The following MEF2C variants were observed in gnomAD, a reference collection of about 807,000 sequenced individuals.
MEF2C encodes myocyte enhancer factor 2C.
MEF2C carries 6 observed loss-of-function variants against 50.5 expected under a neutral mutation model. The ratio of observed to expected loss-of-function variants is 0.12; its 90% CI spans 0.07 to 0.23. The LOEUF is 0.23. Among genes scored for constraint, MEF2C ranks in the 10% least tolerant of loss-of-function variants. MEF2C has a pLI of 1.00. For synonymous variants in MEF2C, 183 were observed against 228.0 expected, an observed-to-expected ratio of 0.80 and a Z score of 1.78; for missense variants, 276 against 605.0, an observed-to-expected ratio of 0.46 and a Z score of 5.70.
chr5:88,775,049 T>A (rs1028112858), intron 3 of MEF2C, among the ~76,000 whole-genome samples: 4 of 152,252 alleles, frequency 2.6e-5, no homozygotes, highest in African/African-American at 9.6e-5. Flanking sequence ...GGGAATTTCA[T>A]AATTTAATGT....
At chr5:88,797,517 C>G (rs1405571156) in intron 3 of MEF2C, among the ~76,000 whole-genome samples, 1 of 122,616 alleles carries the variant, frequency 8.2e-6, no homozygotes, top group Non-Finnish European at 1.6e-5. Context: ...TCATCCATCC[C>G]TTTATTTTGA....
At chr5:88,771,522 G>A in intron 3 of MEF2C, 1 of 985,340 alleles carries the variant, frequency 1.0e-6, no homozygotes, top group Non-Finnish European at 1.2e-6. Context: ...ATGTTATACT[G>A]TAATTTATTT....
intron 3 of MEF2C, among the ~76,000 whole-genome samples, chr5:88,790,502 A>G (rs546363480): frequency 1.3e-5 from 2 of 152,202 alleles, no homozygotes; most frequent in Non-Finnish European, 2.9e-5. Context: ...TGGCCAAAGC[A>G]CTAACAGGTT....
At chr5:88,899,082 T>C (rs2150315842) in intron 1 of MEF2C, among the ~76,000 whole-genome samples, 1 of 152,308 alleles carries the variant, frequency 6.6e-6, no homozygotes, top group East Asian at 1.9e-4. Context: ...TACTTTTTTG[T>C]CAATTCAGCC....
intron 3 of MEF2C, among the ~76,000 whole-genome samples, chr5:88,769,631 T>C (rs1781519931): frequency 6.6e-6 from 1 of 152,200 alleles, no homozygotes; most frequent in African/African-American, 2.4e-5. Flanking sequence ...ATCCTATATA[T>C]CTATATCTAT....
At chr5:88,817,803 A>T (rs557307451) in intron 2 of MEF2C, 1 of 151,976 alleles carries the variant, frequency 6.6e-6, no homozygotes, top group South Asian at 2.1e-4. Flanking sequence ...ATTTGGGCTT[A>T]CCTCTCCTAT....
At chr5:88,776,093 T>G (rs1372004131) in intron 3 of MEF2C, among the ~76,000 whole-genome samples, 1 of 152,160 alleles carries the variant, frequency 6.6e-6, no homozygotes, top group Non-Finnish European at 1.5e-5. Context: ...ATCAAATGCC[T>G]CTTCTACTTT....
At chr5:88,734,400 A>C in intron 6 of MEF2C, 1 of 985,296 alleles carries the variant, frequency 1.0e-6, no homozygotes, top group Non-Finnish European at 1.2e-6. Context: ...GATCAGAAGA[A>C]ACTAAAACCC....
At chr5:88,865,156 C>G (rs1056710140) in intron 1 of MEF2C, among the ~76,000 whole-genome samples, 1 of 152,042 alleles carries the variant, frequency 6.6e-6, no homozygotes, top group Non-Finnish European at 1.5e-5. Context: ...CTCAGTGTCC[C>G]GAGTAGTTAG....
rs146468309 is a variant in MEF2C, at chr5:88,862,303, C to T, written c.-143+20652G>A. 1.2e-3 allele frequency among the ~76,000 whole-genome samples: 178 copies of T among 152,264 alleles called. 1 individual carries two copies. The highest frequency in any genetic ancestry group is 2.7e-3 in the Admixed American group (41 of 15,298). On this transcript the variant is annotated intron_variant, in intron 1 of 10. Transcript: ENST00000504921. ...ATGTCTTGCCTTTTCTGACTTCTGT[C>T]ATACACACAAACACACACACACACA...
At chr5:88,815,403 C>T (rs1334449454) in intron 2 of MEF2C, among the ~76,000 whole-genome samples, 1 of 152,016 alleles carries the variant, frequency 6.6e-6, no homozygotes, top group Non-Finnish European at 1.5e-5. Context: ...TTATAGTTTC[C>T]AAACAGTTAC....
At chr5:88,822,310 A>G (rs902759761) in intron 2 of MEF2C, among the ~76,000 whole-genome samples, 1 of 151,972 alleles carries the variant, frequency 6.6e-6, no homozygotes, top group Admixed American at 6.6e-5. Flanking sequence ...GACATTCAAT[A>G]TTTCAGTCTT....
At chr5:88,841,468 C>A (rs1817322096) in intron 1 of MEF2C, among the ~76,000 whole-genome samples, 1 of 143,012 alleles carries the variant, frequency 7.0e-6, no homozygotes, top group South Asian at 2.1e-4. Context: ...GGTTGCACAA[C>A]TGCACCTCAG....
intron 3 of MEF2C, among the ~76,000 whole-genome samples, chr5:88,800,752 T>G (rs1436997219): frequency 6.6e-6 from 1 of 152,190 alleles, no homozygotes; most frequent in African/African-American, 2.4e-5. Flanking sequence ...AGTATACTTG[T>G]CACAGAGTTA....
intron 1 of MEF2C, among the ~76,000 whole-genome samples, chr5:88,834,857 G>A (rs567464598): frequency 1.3e-5 from 2 of 152,240 alleles, no homozygotes; most frequent in Admixed American, 6.5e-5. Flanking sequence ...AGGTTGTGAG[G>A]CTCAAATAAA....
chr5:88,742,399 G>C, intron 6 of MEF2C: 5 of 984,378 alleles, frequency 5.1e-6, no homozygotes, highest in Non-Finnish European at 6.0e-6. Flanking sequence ...TTAACGGCTT[G>C]AATTTAATAT....
intron 4 of MEF2C, among the ~76,000 whole-genome samples, chr5:88,757,909 C>A (rs1776103104): frequency 6.6e-6 from 1 of 151,906 alleles, no homozygotes; most frequent in African/African-American, 2.4e-5. Flanking sequence ...GGGTGAGACC[C>A]CGTCTCAAAA....
intron 1 of MEF2C, among the ~76,000 whole-genome samples, chr5:88,875,401 A>G (rs1202583134): frequency 6.6e-5 from 10 of 152,036 alleles, no homozygotes; most frequent in Admixed American, 6.6e-4. Flanking sequence ...AGATAAGTAC[A>G]AAAAACCTCA....
intron 3 of MEF2C, among the ~76,000 whole-genome samples, chr5:88,788,391 G>C (rs962436507): frequency 6.7e-6 from 1 of 150,184 alleles, no homozygotes; most frequent in Non-Finnish European, 1.5e-5. Flanking sequence ...TGTATTTTTA[G>C]TAGAGATGAG....
Sources: gnomAD v4.1 joint callset for allele counts (sites outside exome capture counted in the v4.1 genomes callset) on GRCh38, gnomAD v4.1.1 for gene constraint, MANE v1.5 for transcripts, NCBI Gene and HGNC (gene_info 2026-07-23, HGNC 2026-07-21) for gene names.